Variants in SEPTIN9 observed in about 807,000 individuals in gnomAD.
SEPTIN9 encodes the protein septin 9.
Under a neutral mutation model 56.6 loss-of-function variants are expected in SEPTIN9, and 13 were observed. That is an observed-to-expected ratio of 0.23 (90% CI 0.15 to 0.37). The LOEUF is 0.37. Among genes scored for constraint, SEPTIN9 ranks in the 10% least tolerant of loss-of-function variants. The probability of loss-of-function intolerance (pLI) is 1.00; values close to 1 mark genes in which losing one functional copy is unlikely to be tolerated. For synonymous variants in SEPTIN9, 332 were observed against 334.1 expected (o/e 0.99, Z 0.07); for missense variants, 650 against 823.1 (o/e 0.79, Z 2.57).
intron 3 of SEPTIN9, among the ~76,000 whole-genome samples, chr17:77,432,823 G>A (rs368750694): frequency 1.8e-4 from 28 of 152,372 alleles, no homozygotes; most frequent in Middle Eastern, 3.4e-3. Flanking sequence ...GGACCACCGC[G>A]GCGGCTGAGC....
In SEPTIN9 at chr17:77,476,950, A is replaced by G. The variant is rs911774739; in HGVS notation, c.722-5194A>G. On this transcript the variant is annotated intron_variant, in intron 3 of 11. Transcript: ENST00000427177. The surrounding 1 kb of genome is among the most constrained non-coding windows in gnomAD (Gnocchi z 6.0). Reference sequence around the variant, plus strand: ...ATTTTATTTTACTTTACATTCTGGGATACATGTGCAGAACGTGCAGGTTTG... The same window carrying G: ...ATTTTATTTTACTTTACATTCTGGGGTACATGTGCAGAACGTGCAGGTTTG... Among the ~76,000 whole-genome samples, 3 of 152,258 alleles carry G rather than the reference A, an allele frequency of 2.0e-5. No individual in the cohort carries two copies. The highest frequency in any genetic ancestry group is 7.2e-5 in the African/African-American group (3 of 41,536).
At chr17:77,452,008 G>A (rs1024957341) in intron 3 of SEPTIN9, among the ~76,000 whole-genome samples, 3 of 152,194 alleles carry the variant, frequency 2.0e-5, no homozygotes, top group Non-Finnish European at 2.9e-5. Context: ...CTCAATGCTC[G>A]AAATGCCGTA....
In SEPTIN9 at chr17:77,303,568, C is replaced by T. The variant is rs141785064; in HGVS notation, c.20-3573C>T. 1.0e-3 allele frequency among the ~76,000 whole-genome samples: 152 copies of T among 151,738 alleles called. No individual in the cohort carries two copies. The East Asian group carries it at 0.011, about 11-fold the overall frequency. The stretch of plus-strand genomic sequence containing the variant: ...CTCTACCGAATATACAAAAATTAGC[C>T]GGAGCGTGATGGCAGGTGCCTGTAA... On this transcript the variant is annotated intron_variant, in intron 1 of 11. Coordinates refer to ENST00000427177, the MANE Select transcript of SEPTIN9 (RefSeq NM_001113491.2).
chr17:77,430,631 G>T (rs891432763), intron 3 of SEPTIN9, among the ~76,000 whole-genome samples: 4 of 152,188 alleles, frequency 2.6e-5, no homozygotes, highest in African/African-American at 9.6e-5. Context: ...GCCTGGTGCC[G>T]GCTGACAGCT....
intron 2 of SEPTIN9, among the ~76,000 whole-genome samples, chr17:77,360,731 AT>A (rs1363663369): frequency 6.6e-6 from 1 of 151,702 alleles, no homozygotes; most frequent in African/African-American, 2.4e-5. Context: ...CACCCGGCTA[AT>A]TTTTTGTATT....
At chr17:77,340,379 G>T (rs1395431900) in intron 2 of SEPTIN9, among the ~76,000 whole-genome samples, 2 of 152,140 alleles carry the variant, frequency 1.3e-5, no homozygotes, top group Non-Finnish European at 2.9e-5. Flanking sequence ...GACCTCAAGT[G>T]ATCCCCCCGC....
chr17:77,457,117 G>A (rs1289677616), intron 3 of SEPTIN9, among the ~76,000 whole-genome samples: 3 of 152,216 alleles, frequency 2.0e-5, no homozygotes, highest in Non-Finnish European at 4.4e-5. Flanking sequence ...TGGGATGGTT[G>A]CCTCACCTCC....
At chr17:77,378,838 T>TACCCCC (rs1568024407) in intron 2 of SEPTIN9, among the ~76,000 whole-genome samples, 2 of 152,024 alleles carry the variant, frequency 1.3e-5, no homozygotes, top group South Asian at 2.1e-4. Context: ...TGCCACCATC[T>TACCCCC]ACCCCCACCC....
In SEPTIN9 at chr17:77,436,702, C is replaced by T. The variant is rs368650198; in HGVS notation, c.721+33999C>T. Among the ~76,000 whole-genome samples the T allele has an allele frequency of 4.6e-5, 7 of 152,348 alleles. No individual in the cohort carries two copies. The highest frequency in any genetic ancestry group is 1.9e-4 in the East Asian group (1 of 5,174). ...ACTAGCCTCGTGGTAGGGGCTGCGG[C>T]GGAGGTGGGCAAAAGCCGCTTCCGG... On this transcript the variant is annotated intron_variant, in intron 3 of 11. Transcript: ENST00000427177. This position sits in a 1 kb window ranked among gnomAD's most constrained non-coding sequence, Gnocchi z 4.4.
rs2032568439 is a variant in SEPTIN9 at position 77,313,099 on chromosome 17, C to T, written c.76+5902C>T. On this transcript the variant is annotated intron_variant, in intron 2 of 11. Transcript: ENST00000427177. This position sits in a 1 kb window ranked among gnomAD's most constrained non-coding sequence, Gnocchi z 4.5. ...AAGCAGGATGAAAGACACCCGCTCTCGGGGGAGTCTTCCGTTGGCTGCAGA... is the reference window on the plus strand; with the variant it reads ...AAGCAGGATGAAAGACACCCGCTCTTGGGGGAGTCTTCCGTTGGCTGCAGA... 1.3e-5 allele frequency among the ~76,000 whole-genome samples: 2 copies of T among 152,318 alleles called. No individual in the cohort carries two copies. Among genetic ancestry groups the T allele is most frequent in the South Asian group, 2.1e-4 (1 of 4,826 alleles).
intron 2 of SEPTIN9, among the ~76,000 whole-genome samples, chr17:77,333,957 G>A (rs1317440927): frequency 2.0e-5 from 3 of 152,082 alleles, no homozygotes; most frequent in South Asian, 2.1e-4. Context: ...TTTCAAGATC[G>A]AGTGATTTCT....
intron 2 of SEPTIN9, among the ~76,000 whole-genome samples, chr17:77,352,681 T>C (rs2034104762): frequency 6.6e-6 from 1 of 152,154 alleles, no homozygotes; most frequent in African/African-American, 2.4e-5. Flanking sequence ...AATTTATTTT[T>C]AGGGACAGGT....
At position 77,402,515 on chromosome 17, in the gene SEPTIN9, C is replaced by T; in HGVS notation, c.533C>T (p.Ala178Val). The stretch of plus-strand genomic sequence containing the variant: ...TCCAAGGTCCCCGAGGTGCCCACTG[C>T]CCCTGCCACCGACGCAGCCCCCAAG... ...PASKVPEVPTAPATDAAPKRV... is the reference protein window; with the variant it reads ...PASKVPEVPTVPATDAAPKRV... The change falls in exon 3 of 12, where the codon GCC becomes GTC. Residue 178 changes from alanine to valine, a missense_variant. By Grantham distance (64) the Ala-to-Val change is moderately conservative. Transcript: ENST00000427177. This position sits in a 1 kb window ranked among gnomAD's most constrained non-coding sequence, Gnocchi z 6.6. 6.2e-7 allele frequency: 1 copy of T among 1,603,716 alleles called. No homozygotes were observed. Among genetic ancestry groups the T allele is most frequent in the Non-Finnish European group, 8.5e-7 (1 of 1,175,656 alleles).
chr17:77,452,368 T>C (rs1268135207), intron 3 of SEPTIN9, among the ~76,000 whole-genome samples: 1 of 152,190 alleles, frequency 6.6e-6, no homozygotes. Flanking sequence ...GGCAATGCCA[T>C]CTGCTCCTGA....
In SEPTIN9 at chr17:77,498,713, C is replaced by CCA. The variant is rs1555681887; in HGVS notation, c.*55_*56insCA. ...CCCCCAAGTCATTTCCGTCCCCCCC[C>CCA]AGGCCCTCCCACCACCCCATTTTAT... On this transcript the variant is annotated 3_prime_UTR_variant, in exon 12 of 12. Coordinates refer to ENST00000427177, the MANE Select transcript of SEPTIN9 (RefSeq NM_001113491.2). 1 of 1,115,126 alleles carries CCA rather than the reference C, an allele frequency of 9.0e-7. No individual in the cohort carries two copies. Among genetic ancestry groups the CCA allele is most frequent in the Non-Finnish European group, 1.3e-6 (1 of 753,842 alleles). 69.1% of individuals were successfully genotyped at this position (1,115,126 alleles called of 1,614,324 possible).
At chr17:77,291,618 G>A (rs1465416345) in intron 1 of SEPTIN9, among the ~76,000 whole-genome samples, 1 of 152,076 alleles carries the variant, frequency 6.6e-6, no homozygotes, top group Non-Finnish European at 1.5e-5. Context: ...GGCAAAGAGA[G>A]TGAAACTCCG....
intron 2 of SEPTIN9, among the ~76,000 whole-genome samples, chr17:77,351,159 G>T (rs911496956): frequency 6.6e-6 from 1 of 151,806 alleles, no homozygotes; most frequent in African/African-American, 2.4e-5. Flanking sequence ...AAGAATTTCC[G>T]TGAGCCTCTC....
intron 2 of SEPTIN9, among the ~76,000 whole-genome samples, chr17:77,342,481 A>G (rs2033765732): frequency 6.6e-6 from 1 of 152,154 alleles, no homozygotes; most frequent in Admixed American, 6.5e-5. Context: ...TCTGGTGTCC[A>G]TTTCCTTGAG....
At chr17:77,409,830 C>T (rs905686860) in intron 3 of SEPTIN9, among the ~76,000 whole-genome samples, 1 of 152,224 alleles carries the variant, frequency 6.6e-6, no homozygotes, top group African/African-American at 2.4e-5. Context: ...AGGGCACATT[C>T]AGCCCTGGAG....
Sources: gnomAD v4.1 joint callset for allele counts (sites outside exome capture counted in the v4.1 genomes callset) on GRCh38, gnomAD v4.1.1 for gene constraint, Gnocchi (gnomAD v3.1) non-coding constraint, MANE v1.5 for transcripts, NCBI Gene and HGNC (gene_info 2026-07-23, HGNC 2026-07-21) for gene names.